The following SDK1 variants were observed in gnomAD, a reference collection of about 807,000 sequenced individuals.
SDK1 encodes sidekick cell adhesion molecule 1.
A neutral mutation model predicts 245.5 loss-of-function variants in SDK1; 157 were observed. The observed-to-expected ratio is 0.64, with a 90% confidence interval of 0.56 to 0.73. The LOEUF is 0.73. Ranked by LOEUF, SDK1 falls within the 30% of genes least tolerant of loss-of-function variation. SDK1 has a pLI of 0.00. For missense variants in SDK1, 3,583 were observed against 3,002.3 expected (o/e 1.19, Z -4.52); for synonymous variants, 1,647 against 1,278.5 (o/e 1.29, Z -6.15).
intron 1 of SDK1, among the ~76,000 whole-genome samples, chr7:3,429,115 CAAT>C (rs1443508601): frequency 5.3e-5 from 8 of 152,048 alleles, no homozygotes; most frequent in African/African-American, 1.7e-4. Context: ...CCAGCTTCTG[CAAT>C]AATGAGAAGG....
intron 2 of SDK1, among the ~76,000 whole-genome samples, chr7:3,620,989 C>T (rs1949972127): frequency 6.6e-6 from 1 of 152,082 alleles, no homozygotes; most frequent in African/African-American, 2.4e-5. Context: ...TCAGCTCCAC[C>T]ACACCTGAGC....
intron 1 of SDK1, among the ~76,000 whole-genome samples, chr7:3,309,061 A>AT (rs1779487712): frequency 6.6e-6 from 1 of 152,172 alleles, no homozygotes; most frequent in Non-Finnish European, 1.5e-5. Flanking sequence ...ATTTTGTATC[A>AT]TAAAGGTATA....
chr7:4,214,725 C>T (rs1188669448), intron 38 of SDK1, among the ~76,000 whole-genome samples: 2 of 152,306 alleles, frequency 1.3e-5, no homozygotes, highest in East Asian at 3.9e-4. Context: ...GCAGCGGATC[C>T]AGGTGTGGAT....
At position 4,265,957 on chromosome 7, in the gene SDK1, T is replaced by G. The variant is rs1399612032; in HGVS notation, c.*573T>G. 1 of 985,546 alleles carries G rather than the reference T, an allele frequency of 1.0e-6. No homozygotes were observed. Among genetic ancestry groups the G allele is most frequent in the Non-Finnish European group, 1.2e-6 (1 of 830,094 alleles). 61.1% of individuals were successfully genotyped at this position (985,546 alleles called of 1,614,324 possible). A position where few individuals can be genotyped will look rare whatever the true frequency, so the allele number is the denominator to read the frequency against. On this transcript the variant is annotated 3_prime_UTR_variant, in exon 45 of 45. Transcript: ENST00000404826. ...AATGTTCTCACTTGGCAGTGTCTAGTCAAGGAGTCGGCTTTCAGGTTCCTG... is the reference window on the plus strand; with the variant it reads ...AATGTTCTCACTTGGCAGTGTCTAGGCAAGGAGTCGGCTTTCAGGTTCCTG...
At chr7:3,909,418 C>T (rs1562529201) in intron 5 of SDK1, among the ~76,000 whole-genome samples, 1 of 152,326 alleles carries the variant, frequency 6.6e-6, no homozygotes, top group East Asian at 1.9e-4. Flanking sequence ...GTAGCCTCTG[C>T]CCATCCTGAG....
At chr7:4,116,137 G>A (rs1161167037) in intron 25 of SDK1, among the ~76,000 whole-genome samples, 2 of 152,110 alleles carry the variant, frequency 1.3e-5, no homozygotes, top group East Asian at 1.9e-4. Context: ...AACATAGAAG[G>A]TGGTGCCGAG....
At chr7:3,767,664 G>A (rs370458020) in intron 4 of SDK1, among the ~76,000 whole-genome samples, 4 of 152,094 alleles carry the variant, frequency 2.6e-5, no homozygotes, top group South Asian at 4.2e-4. Flanking sequence ...TGAAGAAACA[G>A]AAGCACTGAG....
intron 5 of SDK1, among the ~76,000 whole-genome samples, chr7:3,945,353 C>T (rs1261072349): frequency 6.6e-6 from 1 of 152,028 alleles, no homozygotes; most frequent in African/African-American, 2.4e-5. Context: ...TATAAAAGGA[C>T]ACAGGGATCA....
intron 5 of SDK1, among the ~76,000 whole-genome samples, chr7:3,948,989 G>A (rs940256903): frequency 6.6e-6 from 1 of 152,150 alleles, no homozygotes; most frequent in Non-Finnish European, 1.5e-5. Context: ...TTTCACAGAT[G>A]ACAGGCAGGC....
At chr7:3,313,201 G>C (rs1398760203) in intron 1 of SDK1, among the ~76,000 whole-genome samples, 1 of 152,188 alleles carries the variant, frequency 6.6e-6, no homozygotes, top group Non-Finnish European at 1.5e-5. Context: ...GAGGTCAAGA[G>C]ATCGAGACCA....
chr7:3,412,545 C>A (rs1779239968), intron 1 of SDK1, among the ~76,000 whole-genome samples: 1 of 152,284 alleles, frequency 6.6e-6, no homozygotes, highest in South Asian at 2.1e-4. Flanking sequence ...ACATTATAAC[C>A]TTTTGCTCTT....
chr7:3,743,954 A>G (rs1341850829), intron 4 of SDK1, among the ~76,000 whole-genome samples: 1 of 152,146 alleles, frequency 6.6e-6, no homozygotes, highest in Non-Finnish European at 1.5e-5. Context: ...CTGTGGCGTT[A>G]TTATCCTGTG....
intron 5 of SDK1, among the ~76,000 whole-genome samples, chr7:3,836,004 A>T (rs1263160626): frequency 6.6e-6 from 1 of 152,224 alleles, no homozygotes; most frequent in African/African-American, 2.4e-5. Flanking sequence ...TATTTATATG[A>T]GTATTGGTAT....
intron 1 of SDK1, among the ~76,000 whole-genome samples, chr7:3,334,966 G>A (rs1780161536): frequency 6.6e-6 from 1 of 151,948 alleles, no homozygotes; most frequent in Non-Finnish European, 1.5e-5. Context: ...CCAAATCTTG[G>A]AGTTATCCTT....
At chr7:3,582,394 C>T (rs1199624583) in intron 1 of SDK1, among the ~76,000 whole-genome samples, 2 of 136,296 alleles carry the variant, frequency 1.5e-5, no homozygotes, top group African/African-American at 2.8e-5. Context: ...GGTAGGTCTC[C>T]CTCAGGTAGG....
intron 35 of SDK1, among the ~76,000 whole-genome samples, chr7:4,179,447 T>C (rs1782462614): frequency 6.6e-6 from 1 of 151,820 alleles, no homozygotes; most frequent in East Asian, 1.9e-4. Flanking sequence ...GGGAAACACA[T>C]CAGGTGACCT....
intron 1 of SDK1, among the ~76,000 whole-genome samples, chr7:3,539,720 C>A (rs913482645): frequency 9.9e-5 from 15 of 152,224 alleles, no homozygotes; most frequent in Non-Finnish European, 1.2e-4. Flanking sequence ...TCATCCACAT[C>A]AGGGTGAGTA....
intron 22 of SDK1, among the ~76,000 whole-genome samples, chr7:4,094,811 C>T (rs1458252465): frequency 6.6e-6 from 1 of 152,120 alleles, no homozygotes; most frequent in African/African-American, 2.4e-5. Flanking sequence ...CTATGGCTTA[C>T]AGTAAGGATC....
chr7:3,528,652 G>A (rs759510471), intron 1 of SDK1, among the ~76,000 whole-genome samples: 1 of 152,074 alleles, frequency 6.6e-6, no homozygotes, highest in Non-Finnish European at 1.5e-5. Context: ...TTGGATTGTA[G>A]GATCACCCTG....
Sources: gnomAD v4.1 joint callset for allele counts (sites outside exome capture counted in the v4.1 genomes callset) on GRCh38, gnomAD v4.1.1 for gene constraint, MANE v1.5 for transcripts, NCBI Gene and HGNC (gene_info 2026-07-23, HGNC 2026-07-21) for gene names.